SAFB2: variants seen among roughly 807,000 people sequenced by gnomAD.
SAFB2 encodes scaffold attachment factor B2.
A neutral mutation model predicts 100.6 loss-of-function variants in SAFB2; 32 were observed. The ratio of observed to expected loss-of-function variants is 0.32; its 90% confidence interval spans 0.24 to 0.43. SAFB2 has a LOEUF of 0.43. Among genes scored for constraint, SAFB2 ranks in the 20% least tolerant of loss-of-function variants. The pLI is 1.00. For missense variants in SAFB2, 1,185 were observed against 1,163.4 expected (o/e 1.02, Z -0.27); for synonymous variants, 500 against 439.4 (o/e 1.14, Z -1.72).
chr19:5,609,957 G>A, intron 9 of SAFB2, 38 bp downstream of exon 9: 1 of 1,561,158 alleles, frequency 6.4e-7, no homozygotes, highest in South Asian at 1.1e-5. Flanking sequence ...TTTTAACTCT[G>A]AATCACAGTG....
intron 4 of SAFB2, 30 bp downstream of exon 4, chr19:5,616,102 C>T (rs772049227): frequency 3.1e-6 from 5 of 1,609,296 alleles, no homozygotes; most frequent in East Asian, 4.5e-5. Context: ...GGGCTATGGG[C>T]ACATCCTGCC....
At chr19:5,617,725 C>T (rs947314207) in intron 2 of SAFB2, among the ~76,000 whole-genome samples, 28 of 152,106 alleles carry the variant, frequency 1.8e-4, no homozygotes, top group Admixed American at 6.5e-4. Flanking sequence ...CTCCCCAACC[C>T]CAGAGAATTC....
rs2053140606 is a variant in SAFB2, at chr19:5,621,384, C to T, written c.199G>A (p.Glu67Lys). The change falls in exon 2 of 21, where the codon GAG (glutamate) becomes AAG (lysine). Residue 67 changes from glutamate (E) to lysine (K), a missense_variant. Glu to Lys is a moderately conservative substitution (Grantham distance 56, BLOSUM62 1). This residue lies in a region of SAFB2 where 351 missense variants were observed against 341.2 expected (regional missense o/e 1.03). Coordinates refer to ENST00000252542, the MANE Select transcript of SAFB2 (RefSeq NM_014649.3). ...CCAATTTCATCAGGATCTTGCCCCT[C>T]TTCTTTAACCGCCTATTAGGGAGAG... is the stretch of plus-strand genomic sequence containing the variant. ...MERLKKAVKE[E>K]GQDPDEIGIE... 23 of 1,611,126 alleles carry T rather than the reference C, an allele frequency of 1.4e-5. No individual in the cohort carries two copies. In the East Asian group the frequency reaches 5.1e-4, roughly 36 times the overall value.
At chr19:5,606,800 A>G (rs1388797939) in intron 9 of SAFB2, among the ~76,000 whole-genome samples, 2 of 152,238 alleles carry the variant, frequency 1.3e-5, no homozygotes, top group Non-Finnish European at 2.9e-5. Context: ...GACATGCAAA[A>G]GAAACAAGAA....
intron 12 of SAFB2, among the ~76,000 whole-genome samples, chr19:5,599,180 C>T (rs772349209): frequency 2.5e-4 from 38 of 152,140 alleles, no homozygotes; most frequent in Non-Finnish European, 4.6e-4. Flanking sequence ...CTCCGTGACC[C>T]TCCACTCTAA....
chr19:5,587,275 G>T lies in SAFB2; in HGVS notation c.2830C>A (p.Pro944Thr). 6.2e-7 allele frequency: 1 copy of T among 1,613,340 alleles called. No homozygotes were observed. The highest frequency in any genetic ancestry group is 1.1e-5 in the South Asian group (1 of 91,024). Reference sequence around the variant, plus strand: ...CGGCGGGTGAAGTGGGGGTACGGGGGGGGATGAGGGTGTGGGTGAGGGACT... The same window carrying T: ...CGGCGGGTGAAGTGGGGGTACGGGGTGGGATGAGGGTGTGGGTGAGGGACT... ...SRVPHPHPHP[P>T]PYPHFTRRY The change falls in exon 21 of 21, where the codon CCC becomes ACC. Residue 944 changes from proline (P) to threonine (T), a missense_variant. By Grantham distance (38) the Pro-to-Thr change is conservative (BLOSUM62 -1). Coordinates refer to ENST00000252542, the MANE Select transcript of SAFB2 (RefSeq NM_014649.3). This position sits in a 1 kb window ranked among gnomAD's most constrained non-coding sequence, Gnocchi z 4.9.
chr19:5,594,713 G>A (rs1355073462), intron 14 of SAFB2, among the ~76,000 whole-genome samples: 1 of 152,162 alleles, frequency 6.6e-6, no homozygotes, highest in Non-Finnish European at 1.5e-5. Context: ...TCAGAGGAGG[G>A]GCGAAAATAG....
chr19:5,611,841 A>G (rs1555690172), intron 6 of SAFB2: 4 of 721,950 alleles, frequency 5.5e-6, no homozygotes, highest in Non-Finnish European at 9.8e-6. Context: ...TACACGGAAG[A>G]GAAAAGGCCC....
chr19:5,592,395 G>A (rs2052428704), intron 16 of SAFB2, among the ~76,000 whole-genome samples: 1 of 152,150 alleles, frequency 6.6e-6, no homozygotes, highest in Non-Finnish European at 1.5e-5. Flanking sequence ...AATTTTGCAC[G>A]TCCTCCATCA....
rs554984487 is a variant in SAFB2 at position 5,592,931 on chromosome 19, AGAG to A, written c.2208-47_2208-45del. 2.9e-4 allele frequency: 457 copies of A among 1,594,970 alleles called. 3 individuals carry two copies. Among genetic ancestry groups the A allele is most frequent in the South Asian group, 2.3e-3 (204 of 89,618 alleles). On this transcript the variant is annotated intron_variant, in intron 15 of 20. Transcript: ENST00000252542. ...AAAGAATACAAATTCCATTAATGAG[AGAG>A]GAGGAGGAAAAAAGGAGGAGGTGGA... is the stretch of plus-strand genomic sequence containing the variant.
At chr19:5,588,032 G>A in intron 18 of SAFB2, 52 bp from the exon 19 acceptor site, 3 of 1,520,744 alleles carry the variant, frequency 2.0e-6, no homozygotes, top group Non-Finnish European at 2.7e-6. Flanking sequence ...CCAGGGTTGT[G>A]TCGGCAGCAG....
chr19:5,617,603 G>T (rs539137969), intron 2 of SAFB2, among the ~76,000 whole-genome samples: 1 of 152,088 alleles, frequency 6.6e-6, no homozygotes, highest in Non-Finnish European at 1.5e-5. Flanking sequence ...GTTCACAACC[G>T]GGGGGAATGG....
Position 5,587,563 on chromosome 19 carries a change from T to C in SAFB2, c.2705+138A>G, listed in dbSNP as rs2052283940. On this transcript the variant is annotated intron_variant, in intron 20 of 20. Coordinates refer to ENST00000252542, the MANE Select transcript of SAFB2 (RefSeq NM_014649.3). The surrounding 1 kb of genome is among the most constrained non-coding windows in gnomAD (Gnocchi z 4.9). ...TATTCCAGGTAACTCAAGAGCGTTA[T>C]TTGCATAAATTGCAAAGAGCTGCTT... 7 of 1,454,380 alleles carry C rather than the reference T, an allele frequency of 4.8e-6. No homozygotes were observed. The highest frequency in any genetic ancestry group is 4.3e-5 in the African/African-American group (3 of 70,092). The allele number at this position is 1,454,380 out of a possible 1,614,324, so 90.1% of individuals were successfully genotyped here.
chr19:5,596,519 A>G (rs984903986), intron 13 of SAFB2, among the ~76,000 whole-genome samples: 2 of 151,946 alleles, frequency 1.3e-5, no homozygotes, highest in African/African-American at 2.4e-5. Context: ...TAATTTTTCT[A>G]TTTTTGTAGA....
intron 15 of SAFB2, 40 bp from the exon 16 acceptor site, chr19:5,592,927 T>C (rs766517570): frequency 6.2e-7 from 1 of 1,600,414 alleles, no homozygotes. Context: ...ATTCCATTAA[T>C]GAGAGAGGAG....
rs1568202042 is a variant in SAFB2 at position 5,587,841 on chromosome 19, C to T, written c.2638+27G>A. On this transcript the variant is annotated intron_variant, in intron 19 of 20. Transcript: ENST00000252542. This position sits in a 1 kb window ranked among gnomAD's most constrained non-coding sequence, Gnocchi z 4.9. ...TGGACACATGTGGGGGCCACAGCCACCCTCGTCCCTGGAGCCAGCCCCGTA... is the reference window on the plus strand; with the variant it reads ...TGGACACATGTGGGGGCCACAGCCATCCTCGTCCCTGGAGCCAGCCCCGTA... 1 of 1,592,802 alleles carries T rather than the reference C, an allele frequency of 6.3e-7. No homozygotes were observed. The highest frequency in any genetic ancestry group is 2.3e-5 in the East Asian group (1 of 43,748).
chr19:5,596,476 C>T (rs899529248), intron 13 of SAFB2, among the ~76,000 whole-genome samples: 11 of 152,170 alleles, frequency 7.2e-5, no homozygotes, highest in Admixed American at 5.2e-4. Flanking sequence ...TCCTCAGTAG[C>T]TGAGACCACA....
At chr19:5,621,573 G>A (rs2053149126) in intron 1 of SAFB2, among the ~76,000 whole-genome samples, 177 bp from the exon 2 acceptor site, 1 of 152,228 alleles carries the variant, frequency 6.6e-6, no homozygotes, top group African/African-American at 2.4e-5. Flanking sequence ...CACAACTTGG[G>A]TCTCTCTGGG....
Position 5,604,862 on chromosome 19 carries a change from T to C in SAFB2, c.1371A>G (p.Thr457=), listed in dbSNP as rs1269601476. Residue 457 remains threonine (T), a synonymous_variant, in exon 10 of 21, where the codon ACA becomes ACG. Transcript: ENST00000252542. The stretch of plus-strand genomic sequence containing the variant: ...TGATGCACTTGGTCGCCTCGTCAGA[T>C]GTCGACATGGTGACGAATCCATAGC... ...ARCYGFVTMS[T]SDEATKCISH... is the part of the protein sequence containing the mutation. 1.1e-5 allele frequency: 17 copies of C among 1,614,080 alleles called. No individual in the cohort carries two copies. Among genetic ancestry groups the C allele is most frequent in the East Asian group, 2.2e-5 (1 of 44,884 alleles).
Sources: gnomAD v4.1 joint callset for allele counts (sites outside exome capture counted in the v4.1 genomes callset) on GRCh38, gnomAD v4.1.1 for gene constraint, gnomAD v4.1.1 regional missense constraint, Gnocchi (gnomAD v3.1) non-coding constraint, MANE v1.5 for transcripts, NCBI Gene and HGNC (gene_info 2026-07-23, HGNC 2026-07-21) for gene names.